Variants in HACL2 observed in about 807,000 individuals in gnomAD.
HACL2 encodes 2-hydroxyacyl-CoA lyase 1 like.
chr19:15,122,984 G>A, the HACL2 span: 2 of 1,603,252 alleles, frequency 1.2e-6, no homozygotes, highest in East Asian at 2.2e-5. This position sits in a 1 kb window ranked among gnomAD's most constrained non-coding sequence, Gnocchi z 4.0. Flanking sequence ...CTTACAGAGT[G>A]GCCGGAAAAG....
At chr19:15,122,558 C>T in the HACL2 span, 2 of 751,766 alleles carry the variant, frequency 2.7e-6, no homozygotes, top group Non-Finnish European at 4.5e-6. The surrounding 1 kb of genome is among the most constrained non-coding windows in gnomAD (Gnocchi z 4.0). Flanking sequence ...CATGCTGTTC[C>T]TTCTACCTGG....
At chr19:15,119,338 G>A in the HACL2 span, 95 of 1,604,086 alleles carry the variant, frequency 5.9e-5, no homozygotes, top group African/African-American at 3.5e-4. Context: ...CAGTGTGGCC[G>A]GGGCCTCCCG....
chr19:15,122,106 C>T, the HACL2 span, among the ~76,000 whole-genome samples: 1 of 151,326 alleles, frequency 6.6e-6, no homozygotes, highest in Non-Finnish European at 1.5e-5. The surrounding 1 kb of genome is among the most constrained non-coding windows in gnomAD (Gnocchi z 4.0). Flanking sequence ...GGGGTTTCAC[C>T]ATGTTAGCCA....
chr19:15,115,758 CAG>C, the HACL2 span: 1 of 1,568,910 alleles, frequency 6.4e-7, no homozygotes, highest in African/African-American at 1.3e-5. Flanking sequence ...GGGCCTCTGC[CAG>C]AGAGGAGGCT....
At chr19:15,119,314 G>A in the HACL2 span, 4 of 1,603,400 alleles carry the variant, frequency 2.5e-6, no homozygotes, top group Admixed American at 6.8e-5. Flanking sequence ...TGGGAGTCCA[G>A]GCAGAGCAGA....
the HACL2 span, chr19:15,117,512 A>C: frequency 1.8e-5 from 3 of 171,068 alleles, no homozygotes; most frequent in Non-Finnish European, 3.8e-5. Flanking sequence ...TGATTCCACA[A>C]AAAAAAATTA....
the HACL2 span, among the ~76,000 whole-genome samples, chr19:15,121,775 G>GCAC: frequency 6.8e-6 from 1 of 146,074 alleles, no homozygotes; most frequent in African/African-American, 2.6e-5. Context: ...TCACGCCACT[G>GCAC]CACTCAAGCC....
chr19:15,115,877 G>T, the HACL2 span: 115 of 1,614,080 alleles, frequency 7.1e-5, no homozygotes, highest in South Asian at 1.2e-3. Flanking sequence ...TATCAAATTC[G>T]ATGAGGCTGT....
At chr19:15,119,233 G>T in the HACL2 span, 3 of 1,609,354 alleles carry the variant, frequency 1.9e-6, no homozygotes, top group Admixed American at 1.7e-5. Flanking sequence ...GGAGGGGGTG[G>T]TTGCGGCCTA....
chr19:15,115,216 G>A, the HACL2 span: 6 of 1,611,616 alleles, frequency 3.7e-6, no homozygotes, highest in South Asian at 4.4e-5. Flanking sequence ...CAGTCCAGGG[G>A]CAGGAAGGCA....
chr19:15,124,466 A>T, the HACL2 span: 3 of 157,932 alleles, frequency 1.9e-5, no homozygotes, highest in Non-Finnish European at 2.8e-5. Flanking sequence ...TCTTGCAGAA[A>T]ATGAAGACAG....
At chr19:15,119,400 A>G in the HACL2 span, 43 of 1,613,730 alleles carry the variant, frequency 2.7e-5, no homozygotes, top group Admixed American at 3.3e-5. Context: ...AAACAAGGGC[A>G]GGGCTGGCGC....
chr19:15,117,923 G>A, the HACL2 span: 2 of 1,614,014 alleles, frequency 1.2e-6, no homozygotes, highest in Non-Finnish European at 1.7e-6. Flanking sequence ...TCTGAGTTGA[G>A]CAACATCTCT....
the HACL2 span, chr19:15,118,130 A>AC: frequency 7.6e-7 from 1 of 1,315,968 alleles, no homozygotes; most frequent in East Asian, 2.4e-5. Context: ...GTCTCCCTGC[A>AC]CCTGTGCCAC....
At chr19:15,116,921 G>C in the HACL2 span, 3 of 201,428 alleles carry the variant, frequency 1.5e-5, no homozygotes, top group African/African-American at 7.1e-5. Context: ...AAACAGCCCC[G>C]TGATGTATCT....
the HACL2 span, chr19:15,118,008 C>T: frequency 6.2e-7 from 1 of 1,614,132 alleles, no homozygotes. Context: ...GGAAGTCACA[C>T]ACAGTTCCTG....
chr19:15,125,150 G>A, the HACL2 span: 4 of 1,337,892 alleles, frequency 3.0e-6, no homozygotes, highest in African/African-American at 1.5e-5. Context: ...CTCGCAGCAG[G>A]ATCCAGGGCC....
the HACL2 span, chr19:15,123,077 G>A: frequency 6.2e-7 from 1 of 1,610,930 alleles, no homozygotes; most frequent in South Asian, 1.1e-5. This position sits in a 1 kb window ranked among gnomAD's most constrained non-coding sequence, Gnocchi z 5.1. Flanking sequence ...AGCCCTTCAA[G>A]CCCCCCTAGG....
the HACL2 span, chr19:15,124,774 G>A: frequency 1.9e-6 from 2 of 1,067,636 alleles, no homozygotes; most frequent in Non-Finnish European, 2.6e-6. Flanking sequence ...TGGCAATGGA[G>A]ACAGGGCCCT....
Sources: allele counts gnomAD v4.1 joint callset (sites outside exome capture counted in the v4.1 genomes callset), GRCh38; gene constraint gnomAD v4.1.1; non-coding constraint Gnocchi (gnomAD v3.1); transcripts MANE v1.5; gene names NCBI Gene and HGNC (gene_info 2026-07-23, HGNC 2026-07-21).